Variants in NAV2 observed in about 807,000 individuals in gnomAD.
NAV2 encodes the protein helicase, APC down-regulated 1.
NAV2 carries 54 observed loss-of-function variants against 223.2 expected under a neutral mutation model. That is an observed-to-expected ratio of 0.24 (90% confidence interval 0.19 to 0.30). NAV2 has a LOEUF of 0.30. Ranked by LOEUF, NAV2 falls within the 10% of genes least tolerant of loss-of-function variation. The probability of loss-of-function intolerance (pLI) is 1.00; values close to 1 mark genes in which losing one functional copy is unlikely to be tolerated. For synonymous variants in NAV2, 1,279 were observed against 1,239.3 expected (o/e 1.03, Z -0.67); for missense variants, 2,806 against 3,147.5 (o/e 0.89, Z 2.60).
intron 36 of NAV2, among the ~76,000 whole-genome samples, chr11:20,109,911 G>GC (rs1348697003): frequency 2.0e-5 from 3 of 152,232 alleles, no homozygotes; most frequent in Non-Finnish European, 4.4e-5. Flanking sequence ...ACTTGAGCAG[G>GC]CCCCTCACTG....
At chr11:20,062,276 A>G in intron 19 of NAV2, 31 bp from the exon 20 acceptor site, 1 of 1,572,730 alleles carries the variant, frequency 6.4e-7, no homozygotes, top group Non-Finnish European at 8.7e-7. Context: ...ACAGCCATCT[A>G]TCAATTCACC....
chr11:20,068,034 T>C (rs1174337924), intron 20 of NAV2, 152 bp from the exon 21 acceptor site: 1 of 722,456 alleles, frequency 1.4e-6, no homozygotes, highest in East Asian at 2.6e-5. Context: ...GTCAATTTAA[T>C]TGAACCAGTT....
chr11:19,853,584 A>T (rs535887631), intron 3 of NAV2, among the ~76,000 whole-genome samples: 5 of 152,164 alleles, frequency 3.3e-5, no homozygotes, highest in Non-Finnish European at 5.9e-5. Flanking sequence ...TCTTTTTGCA[A>T]TGTGGCCCAG....
At chr11:19,495,658 T>C (rs185221981) in intron 1 of NAV2, among the ~76,000 whole-genome samples, 156 of 152,352 alleles carry the variant, frequency 1.0e-3, no homozygotes, top group Admixed American at 1.8e-3. Flanking sequence ...ATATCTGCTC[T>C]TATAAAGCCT....
chr11:19,661,164 C>T (rs902053377), intron 1 of NAV2, among the ~76,000 whole-genome samples: 6 of 152,158 alleles, frequency 3.9e-5, no homozygotes, highest in African/African-American at 1.4e-4. Context: ...GAATTTGGTA[C>T]TCTAGGTACC....
intron 1 of NAV2, among the ~76,000 whole-genome samples, chr11:19,423,399 G>A (rs1307206773): frequency 1.3e-5 from 2 of 152,214 alleles, no homozygotes; most frequent in Admixed American, 6.5e-5. Context: ...TGAGGTGCTG[G>A]GAGTAGAGAG....
intron 36 of NAV2, among the ~76,000 whole-genome samples, chr11:20,109,879 C>T (rs2062477623): frequency 6.6e-6 from 1 of 152,262 alleles, no homozygotes; most frequent in Non-Finnish European, 1.5e-5. Flanking sequence ...GGGAGCCTGT[C>T]TGTGCTCCAG....
At chr11:20,065,740 C>G (rs1466829304) in intron 20 of NAV2, among the ~76,000 whole-genome samples, 1 of 152,224 alleles carries the variant, frequency 6.6e-6, no homozygotes, top group Non-Finnish European at 1.5e-5. Flanking sequence ...CTGTTAGGGC[C>G]TGTCGATAGA....
At chr11:19,731,785 A>T (rs1307449498) in intron 1 of NAV2, among the ~76,000 whole-genome samples, 2 of 152,224 alleles carry the variant, frequency 1.3e-5, no homozygotes, top group Admixed American at 1.3e-4. Context: ...TTAGGGACCA[A>T]TGTGAGTTTC....
chr11:19,752,548 T>C (rs778770643), intron 1 of NAV2, among the ~76,000 whole-genome samples: 2 of 152,240 alleles, frequency 1.3e-5, no homozygotes, highest in Non-Finnish European at 2.9e-5. Flanking sequence ...GTCATTTTTT[T>C]CCTACTAATT....
At chr11:19,830,431 T>C (rs1315740513) in intron 1 of NAV2, among the ~76,000 whole-genome samples, 2 of 152,178 alleles carry the variant, frequency 1.3e-5, no homozygotes, top group East Asian at 1.9e-4. Context: ...TGCCACTTAT[T>C]TGTGACCTTG....
At chr11:19,355,804 C>G (rs1444091924) in intron 1 of NAV2, among the ~76,000 whole-genome samples, 1 of 152,194 alleles carries the variant, frequency 6.6e-6, no homozygotes, top group Non-Finnish European at 1.5e-5. Context: ...CAAGTCAGGG[C>G]TGCATGCCAC....
At chr11:19,938,299 G>A (rs1221332916) in intron 7 of NAV2, among the ~76,000 whole-genome samples, 1 of 152,088 alleles carries the variant, frequency 6.6e-6, no homozygotes, top group African/African-American at 2.4e-5. Context: ...CCAAACTTAG[G>A]AAGAGTGTAG....
intron 10 of NAV2, among the ~76,000 whole-genome samples, chr11:19,982,246 T>C (rs752231458): frequency 2.3e-4 from 1 of 4,310 alleles, no homozygotes; most frequent in Non-Finnish European, 1.1e-3. Flanking sequence ...TTTTCTTTTT[T>C]GTTTTGTTTT....
intron 1 of NAV2, among the ~76,000 whole-genome samples, chr11:19,457,710 A>G (rs1852003520): frequency 6.6e-6 from 1 of 152,192 alleles, no homozygotes; most frequent in African/African-American, 2.4e-5. Flanking sequence ...AGGAGATGCC[A>G]GCCTGGGGTG....
intron 1 of NAV2, among the ~76,000 whole-genome samples, chr11:19,465,188 G>T (rs150239766): frequency 2.0e-5 from 3 of 152,280 alleles, no homozygotes; most frequent in African/African-American, 7.2e-5. Flanking sequence ...AGGTAAGAGG[G>T]CACTGGGAGT....
At chr11:19,953,890 C>T (rs1013267843) in intron 10 of NAV2, among the ~76,000 whole-genome samples, 2 of 150,806 alleles carry the variant, frequency 1.3e-5, no homozygotes, top group African/African-American at 4.9e-5. Context: ...TGTCTTTCTC[C>T]ACTAAACTTG....
chr11:19,828,777 G>A (rs1316220996), intron 1 of NAV2, among the ~76,000 whole-genome samples: 2 of 152,174 alleles, frequency 1.3e-5, no homozygotes, highest in South Asian at 2.1e-4. Context: ...TTTTTTGAAC[G>A]GGTAATTAGA....
At chr11:19,384,499 G>C (rs1345766966) in intron 1 of NAV2, 1 of 152,182 alleles carries the variant, frequency 6.6e-6, no homozygotes, top group Non-Finnish European at 1.5e-5. Context: ...GGATAGGGTT[G>C]GATTGCTGTC....
Sources: allele counts gnomAD v4.1 joint callset (sites outside exome capture counted in the v4.1 genomes callset), GRCh38; gene constraint gnomAD v4.1.1; transcripts MANE v1.5; gene names NCBI Gene and HGNC (gene_info 2026-07-23, HGNC 2026-07-21).